SOX6: variants seen among roughly 807,000 people sequenced by gnomAD.
SOX6 encodes the protein SRY-box transcription factor 6, also known as transcription factor SOX-6.
SOX6 carries 11 observed loss-of-function variants against 97.8 expected under a neutral mutation model. The observed-to-expected ratio is 0.11, with a 90% confidence interval of 0.07 to 0.19. The LOEUF (loss-of-function observed/expected upper bound fraction) is 0.19. SOX6 is among the 10% of genes least tolerant of loss of function. SOX6 has a pLI of 1.00. For missense variants in SOX6, 810 were observed against 1,039.5 expected, an observed-to-expected ratio of 0.78 and a Z score of 3.04; for synonymous variants, 360 against 371.4, an observed-to-expected ratio of 0.97 and a Z score of 0.35.
chr11:16,232,573 A>G (rs1159205266), intron 4 of SOX6, among the ~76,000 whole-genome samples: 1 of 152,096 alleles, frequency 6.6e-6, no homozygotes, highest in African/African-American at 2.4e-5. Flanking sequence ...ATTCAAAATT[A>G]GACTTAAATA....
intron 4 of SOX6, among the ~76,000 whole-genome samples, chr11:16,560,424 T>C (rs1408418583): frequency 8.0e-6 from 1 of 124,840 alleles, no homozygotes; most frequent in Non-Finnish European, 1.9e-5. Context: ...TATACGTACA[T>C]ATGTTTATAC....
chr11:16,141,061 C>T (rs1850123148), intron 6 of SOX6, among the ~76,000 whole-genome samples: 1 of 151,548 alleles, frequency 6.6e-6, no homozygotes, highest in Admixed American at 6.6e-5. Flanking sequence ...TTGCAGTGAG[C>T]CAAGATTGCA....
At chr11:16,336,762 A>T (rs1856473210) in intron 2 of SOX6, among the ~76,000 whole-genome samples, 1 of 152,172 alleles carries the variant, frequency 6.6e-6, no homozygotes, top group African/African-American at 2.4e-5. Context: ...CCCTGATTTC[A>T]TTTCATACCA....
chr11:16,142,903 T>C (rs1850183602), intron 6 of SOX6, among the ~76,000 whole-genome samples: 2 of 151,096 alleles, frequency 1.3e-5, no homozygotes. Context: ...ATGGGGAGAA[T>C]GGAACCAAGT....
chr11:16,269,801 G>T lies in SOX6; in HGVS notation c.446-35130C>A, dbSNP rs116625601. Reference sequence around the variant, plus strand: ...GTTGTATATTAATTTTACCACGGAAGAATTTTTCTTTTATTATAAAATTTA... The same window carrying T: ...GTTGTATATTAATTTTACCACGGAATAATTTTTCTTTTATTATAAAATTTA... On this transcript the variant is annotated intron_variant, in intron 3 of 15. Transcript: ENST00000683767. 809 of 151,204 alleles carry T rather than the reference G, an allele frequency of 5.4e-3. 7 individuals are homozygous for T. Among genetic ancestry groups the T allele is most frequent in the African/African-American group, 0.019 (772 of 41,446 alleles). 9.4% of individuals were successfully genotyped at this position (151,204 alleles called of 1,614,324 possible).
At chr11:16,687,602 T>C (rs1847979302) in intron 3 of SOX6, among the ~76,000 whole-genome samples, 1 of 152,226 alleles carries the variant, frequency 6.6e-6, no homozygotes, top group African/African-American at 2.4e-5. Context: ...TTAGCTTTTA[T>C]GTGCATAAAA....
intron 1 of SOX6, among the ~76,000 whole-genome samples, chr11:16,400,186 G>A (rs985245944): frequency 6.6e-6 from 1 of 151,386 alleles, no homozygotes; most frequent in African/African-American, 2.4e-5. Context: ...ATTCCAGTTG[G>A]AAAGAAAGCC....
At chr11:16,446,930 GTTTC>G (rs1859623071) in intron 1 of SOX6, among the ~76,000 whole-genome samples, 1 of 133,170 alleles carries the variant, frequency 7.5e-6, no homozygotes, top group South Asian at 2.5e-4. Flanking sequence ...CTTTCTTTCT[GTTTC>G]TTTCTTTACT....
At chr11:16,044,786 G>C (rs1460503806) in intron 12 of SOX6, among the ~76,000 whole-genome samples, 3 of 152,116 alleles carry the variant, frequency 2.0e-5, no homozygotes, top group Non-Finnish European at 4.4e-5. Flanking sequence ...CTTTTCCCAT[G>C]CCCCAAATTC....
intron 1 of SOX6, among the ~76,000 whole-genome samples, chr11:16,354,360 T>C (rs1392022314): frequency 6.6e-6 from 1 of 152,002 alleles, no homozygotes; most frequent in Non-Finnish European, 1.5e-5. Flanking sequence ...TTCTGAATTT[T>C]TACACATCAC....
At position 16,610,422 on chromosome 11, in the gene SOX6, T is replaced by C. The variant is rs34097789; in HGVS notation, n.609+1659A>G. On this transcript the variant is annotated intron_variant and non_coding_transcript_variant, in intron 4 of 5. Transcript: ENST00000524520. This position sits in a 1 kb window ranked among gnomAD's most constrained non-coding sequence, Gnocchi z 4.4. ...CTTTAAATCACAGAGCAATCGGGGT[T>C]CTGGTGGGCAAGACTGACCCTGCCG... 0.16 allele frequency among the ~76,000 whole-genome samples: 24,604 copies of C among 152,108 alleles called. 2,109 individuals are homozygous for C. The highest frequency in any genetic ancestry group is 0.18 in the Non-Finnish European group (12,138 of 67,992).
chr11:16,317,278 T>G (rs1855780453), intron 3 of SOX6: 1 of 151,082 alleles, frequency 6.6e-6, no homozygotes, highest in Non-Finnish European at 1.5e-5. Context: ...TATAATACAA[T>G]AAGCCAAATG....
intron 9 of SOX6, 126 bp downstream of exon 9, chr11:16,095,870 A>G (rs927343845): frequency 1.8e-6 from 2 of 1,135,850 alleles, no homozygotes; most frequent in Admixed American, 4.6e-5. Flanking sequence ...AATGAGAAAA[A>G]GGGAAAGATT....
At chr11:16,529,985 T>G (rs1277827038) in intron 4 of SOX6, among the ~76,000 whole-genome samples, 1 of 152,042 alleles carries the variant, frequency 6.6e-6, no homozygotes, top group Non-Finnish European at 1.5e-5. Context: ...AAGGTGGCAG[T>G]AGAAAGTCTA....
At chr11:16,054,369 T>C (rs1461596423) in intron 10 of SOX6, among the ~76,000 whole-genome samples, 3 of 152,160 alleles carry the variant, frequency 2.0e-5, no homozygotes. Flanking sequence ...AATAGTCTGT[T>C]TCCATAAGTG....
intron 4 of SOX6, among the ~76,000 whole-genome samples, chr11:16,222,095 A>AATTT (rs1340995725): frequency 6.6e-6 from 1 of 152,244 alleles, no homozygotes; most frequent in Non-Finnish European, 1.5e-5. Flanking sequence ...TTCAATCAAA[A>AATTT]ATTTATCAAA....
intron 1 of SOX6, among the ~76,000 whole-genome samples, chr11:16,351,528 G>A: frequency 6.6e-6 from 1 of 152,076 alleles, no homozygotes; most frequent in East Asian, 1.9e-4. Context: ...AACATCAGTG[G>A]CTCTCCCCTG....
At chr11:16,080,652 G>A (rs996616562) in intron 9 of SOX6, among the ~76,000 whole-genome samples, 17 of 152,160 alleles carry the variant, frequency 1.1e-4, no homozygotes, top group Admixed American at 3.3e-4. Flanking sequence ...ATGCAAAGAT[G>A]AAGAAGATAT....
intron 3 of SOX6, among the ~76,000 whole-genome samples, chr11:16,691,514 C>A (rs1324256864): frequency 6.6e-6 from 1 of 152,138 alleles, no homozygotes; most frequent in African/African-American, 2.4e-5. Flanking sequence ...AGGGAAAAAA[C>A]TGGCTGGGCA....
Sources: gnomAD v4.1 joint callset for allele counts (sites outside exome capture counted in the v4.1 genomes callset) on GRCh38, gnomAD v4.1.1 for gene constraint, Gnocchi (gnomAD v3.1) non-coding constraint, MANE v1.5 for transcripts, NCBI Gene and HGNC (gene_info 2026-07-23, HGNC 2026-07-21) for gene names.